Variants in WDR43 observed in about 807,000 individuals in gnomAD.
WDR43 encodes the protein WD repeat domain 43.
A neutral mutation model predicts 91.4 loss-of-function variants in WDR43; 13 were observed. That is an observed-to-expected ratio of 0.14 (90% CI 0.09 to 0.23). WDR43 has a LOEUF of 0.23. Ranked by LOEUF, WDR43 falls within the 10% of genes least tolerant of loss-of-function variation. WDR43 has a pLI of 1.00. For missense variants in WDR43, 780 were observed against 809.4 expected (o/e 0.96, Z 0.44); for synonymous variants, 331 against 287.9 (o/e 1.15, Z -1.51).
chr2:28,924,840 A>G, intron 7 of WDR43, 142 bp from the exon 8 acceptor site: 1 of 881,488 alleles, frequency 1.1e-6, no homozygotes, highest in Non-Finnish European at 1.7e-6. Flanking sequence ...AGGAGTACTC[A>G]TGCTCCGGAG....
chr2:28,933,115 C>G (rs62132026), intron 11 of WDR43, among the ~76,000 whole-genome samples: 3 of 152,150 alleles, frequency 2.0e-5, no homozygotes, highest in African/African-American at 7.2e-5. Context: ...CAGTCCTTGT[C>G]AGCCACCTTC....
chr2:28,941,672 T>C, intron 15 of WDR43, 98 bp downstream of exon 15: 1 of 931,094 alleles, frequency 1.1e-6, no homozygotes, highest in Non-Finnish European at 1.6e-6. Flanking sequence ...GCTCTGTCGC[T>C]CAGGCTGCAC....
intron 11 of WDR43, among the ~76,000 whole-genome samples, chr2:28,931,227 G>A (rs772890750): frequency 7.9e-5 from 12 of 151,810 alleles, no homozygotes; most frequent in Admixed American, 7.2e-4. Context: ...GGTTACAGGC[G>A]CATGCCACCA....
At chr2:28,946,228 T>A (rs1671539967) in intron 16 of WDR43, among the ~76,000 whole-genome samples, 1 of 151,938 alleles carries the variant, frequency 6.6e-6, no homozygotes, top group Non-Finnish European at 1.5e-5. Context: ...AGCCTGAGGC[T>A]TGAACCTGGG....
At chr2:28,940,229 TTTC>T (rs1671409981) in intron 14 of WDR43, among the ~76,000 whole-genome samples, 1 of 151,726 alleles carries the variant, frequency 6.6e-6, no homozygotes, top group Non-Finnish European at 1.5e-5. Flanking sequence ...CGTTGTTCTT[TTTC>T]TTTTTTTTTT....
chr2:28,910,037 C>T (rs536444859), intron 3 of WDR43, among the ~76,000 whole-genome samples: 1 of 152,284 alleles, frequency 6.6e-6, no homozygotes, highest in South Asian at 2.1e-4. Context: ...TCTAGTGCTT[C>T]TTAAGGCTTA....
chr2:28,912,894 G>A (rs555221501), intron 4 of WDR43, among the ~76,000 whole-genome samples, 184 bp downstream of exon 4: 2 of 151,144 alleles, frequency 1.3e-5, no homozygotes, highest in South Asian at 4.2e-4. Context: ...GACTAGACAT[G>A]TCTACTTCAA....
chr2:28,896,989 G>A (rs1670492832), intron 1 of WDR43, among the ~76,000 whole-genome samples: 1 of 152,114 alleles, frequency 6.6e-6, no homozygotes. Flanking sequence ...GAAAATCAGA[G>A]CTAAGAAAGG....
intron 1 of WDR43, among the ~76,000 whole-genome samples, chr2:28,896,580 A>AG (rs1269917806): frequency 6.6e-6 from 1 of 152,190 alleles, no homozygotes; most frequent in African/African-American, 2.4e-5. Flanking sequence ...ATTAGAACTC[A>AG]GGTCCTTAAG....
Position 28,927,320 on chromosome 2 carries a change from C to A in WDR43, c.1174-249C>A. The A allele has an allele frequency of 6.2e-6, 3 of 486,092 alleles. No individual in the cohort carries two copies. In the South Asian group the frequency reaches 6.4e-5, roughly 10 times the overall value. The allele number at this position is 486,092 out of a possible 1,614,324, so 30.1% of individuals were successfully genotyped here. A position where few individuals can be genotyped will look rare whatever the true frequency, so the allele number is the denominator to read the frequency against. On this transcript the variant is annotated intron_variant, in intron 9 of 17. Coordinates refer to ENST00000407426, the MANE Select transcript of WDR43 (RefSeq NM_015131.3). ...CTAAATATTTAATAAGTTCTGATAA[C>A]CAACTACTGTCAGGCCAGTCGGATT... is the stretch of plus-strand genomic sequence containing the variant.
rs758410045 is a variant in WDR43 at position 28,894,714 on chromosome 2, G to A, written c.16G>A (p.Gly6Ser). Residue 6 changes from glycine (G) to serine (S), a missense_variant, in exon 1 of 18, where the codon GGC becomes AGC. Transcript: ENST00000407426. Reference sequence around the variant, plus strand: ...CAGAGCAGCAATGGCGGCGGGCGGCGGCGGTAGCTGCGACCCCCTGGCCCC... The same window carrying A: ...CAGAGCAGCAATGGCGGCGGGCGGCAGCGGTAGCTGCGACCCCCTGGCCCC... MAAGG[G>S]GSCDPLAPAG... The A allele has an allele frequency of 3.8e-6, 6 of 1,561,974 alleles. No individual in the cohort carries two copies. The South Asian group carries it at 7.0e-5, about 18-fold the overall frequency.
chr2:28,919,697 A>G (rs1008346008), intron 6 of WDR43, among the ~76,000 whole-genome samples: 1 of 152,082 alleles, frequency 6.6e-6, no homozygotes, highest in Non-Finnish European at 1.5e-5. Context: ...ACTTAATTAC[A>G]ATAATGATTT....
chr2:28,927,764 A>C, intron 10 of WDR43, 64 bp downstream of exon 10: 1 of 1,603,252 alleles, frequency 6.2e-7, no homozygotes, highest in Non-Finnish European at 8.5e-7. Context: ...AAATTCTAAC[A>C]AGTGTGTTGG....
intron 11 of WDR43, among the ~76,000 whole-genome samples, chr2:28,935,016 G>C (rs1158453919): frequency 6.6e-6 from 1 of 152,126 alleles, no homozygotes; most frequent in Non-Finnish European, 1.5e-5. Flanking sequence ...TGTGGAGACT[G>C]GGTCTCCACC....
chr2:28,903,018 G>A (rs907992966), intron 2 of WDR43, among the ~76,000 whole-genome samples: 2 of 151,926 alleles, frequency 1.3e-5, no homozygotes, highest in Non-Finnish European at 2.9e-5. Flanking sequence ...TAAGTCTGTC[G>A]CCGAGAGGTC....
chr2:28,933,337 GA>G (rs1671282637), intron 11 of WDR43, among the ~76,000 whole-genome samples: 1 of 151,918 alleles, frequency 6.6e-6, no homozygotes, highest in Non-Finnish European at 1.5e-5. Flanking sequence ...CATGCAATTG[GA>G]AAAAAATGGA....
At chr2:28,945,706 C>G (rs1198234851) in intron 16 of WDR43, among the ~76,000 whole-genome samples, 1 of 152,178 alleles carries the variant, frequency 6.6e-6, no homozygotes, top group African/African-American at 2.4e-5. Context: ...TTTTTCCTCT[C>G]CATTGTGAGA....
chr2:28,914,443 C>T (rs56289239), intron 5 of WDR43, among the ~76,000 whole-genome samples: 40,392 of 152,114 alleles, frequency 0.27, 6,541 homozygotes, highest in East Asian at 0.77. Flanking sequence ...CTGAACATTT[C>T]TGTGGTTGGG....
In WDR43 at chr2:28,942,340, C is replaced by A; in HGVS notation, c.1763C>A (p.Ala588Glu). 6 of 1,613,384 alleles carry A rather than the reference C, an allele frequency of 3.7e-6. No homozygotes were observed. The highest frequency in any genetic ancestry group is 5.1e-6 in the Non-Finnish European group (6 of 1,179,602). ...ACAGCATCAGAGAAGACAAAGGGAG[C>A]AACTTCCCCTGGACAGAAGGCAAAG... ...QVTASEKTKGATSPGQKAKLV... is the reference protein window; with the variant it reads ...QVTASEKTKGETSPGQKAKLV... The change falls in exon 16 of 18, where the codon GCA (alanine) becomes GAA (glutamate). Residue 588 changes from alanine to glutamate, a missense_variant. Transcript: ENST00000407426.
Sources: gnomAD v4.1 joint callset for allele counts (sites outside exome capture counted in the v4.1 genomes callset) on GRCh38, gnomAD v4.1.1 for gene constraint, MANE v1.5 for transcripts, NCBI Gene and HGNC (gene_info 2026-07-23, HGNC 2026-07-21) for gene names.